Variants in MECOM observed in about 807,000 individuals in gnomAD.
The protein encoded by MECOM is histone-lysine N-methyltransferase MECOM.
Under a neutral mutation model 116.3 loss-of-function variants are expected in MECOM, and 13 were observed. The ratio of observed to expected loss-of-function variants is 0.11; its 90% CI spans 0.07 to 0.18. The LOEUF (loss-of-function observed/expected upper bound fraction) is 0.18, where lower values mean the gene tolerates loss of function less well. Ranked by LOEUF, MECOM falls within the 10% of genes least tolerant of loss-of-function variation. MECOM has a pLI of 1.00. For synonymous variants in MECOM, 528 were observed against 535.2 expected (o/e 0.99, Z 0.19); for missense variants, 1,299 against 1,509.0 (o/e 0.86, Z 2.31).
chr3:169,175,415 T>C (rs1244133850), intron 2 of MECOM, among the ~76,000 whole-genome samples: 1 of 152,132 alleles, frequency 6.6e-6, no homozygotes, highest in East Asian at 1.9e-4. Context: ...ATGCACAAAA[T>C]TACTAAAAAT....
At chr3:169,191,740 G>GAGAAAGAA (rs71166250) in intron 2 of MECOM, among the ~76,000 whole-genome samples, 2,727 of 64,038 alleles carry the variant, frequency 0.043, 58 homozygotes, top group Middle Eastern at 0.089. Context: ...AAGAAAGAAA[G>GAGAAAGAA]AGAAAGAAAG....
At chr3:169,246,661 A>G (rs1328444156) in intron 2 of MECOM, among the ~76,000 whole-genome samples, 1 of 151,400 alleles carries the variant, frequency 6.6e-6, no homozygotes, top group Non-Finnish European at 1.5e-5. Context: ...AGCTGGCACT[A>G]CAGGCGCGTG....
At chr3:169,261,248 T>A (rs1757497243) in intron 2 of MECOM, among the ~76,000 whole-genome samples, 1 of 152,200 alleles carries the variant, frequency 6.6e-6, no homozygotes. Context: ...ATCTAAATTA[T>A]TTTTCTTTAG....
chr3:169,620,817 G>GT (rs1303047012), intron 1 of MECOM, among the ~76,000 whole-genome samples: 1 of 151,782 alleles, frequency 6.6e-6, no homozygotes, highest in Non-Finnish European at 1.5e-5. Flanking sequence ...CTGAGATCTA[G>GT]TTTTTTTAAA....
chr3:169,581,439 G>A lies in MECOM; in HGVS notation c.37+81897C>T, dbSNP rs376913653. On this transcript the variant is annotated intron_variant, in intron 1 of 16. Coordinates refer to ENST00000651503, the MANE Select transcript of MECOM (RefSeq NM_004991.4). ...GATAGTCTTTATTTTCTTCTTTCTT[G>A]CTTTCTGCCTTTTTTTTTCTTTTTT... Among the ~76,000 whole-genome samples the A allele has an allele frequency of 7.6e-4, 115 of 151,686 alleles. 2 individuals carry two copies. The South Asian group carries it at 0.014, about 19-fold the overall frequency.
chr3:169,360,762 G>A (rs752820837), intron 2 of MECOM, among the ~76,000 whole-genome samples: 25 of 151,720 alleles, frequency 1.6e-4, no homozygotes, highest in South Asian at 6.2e-4. Flanking sequence ...GTTAATGGGC[G>A]GAGTATGCCT....
intron 2 of MECOM, among the ~76,000 whole-genome samples, chr3:169,218,009 G>A (rs1751631321): frequency 6.6e-6 from 1 of 151,530 alleles, no homozygotes; most frequent in Non-Finnish European, 1.5e-5. Context: ...TATTTTAATA[G>A]CTCTATAGTG....
intron 2 of MECOM, among the ~76,000 whole-genome samples, chr3:169,343,537 A>G (rs1228581800): frequency 4.6e-5 from 7 of 152,188 alleles, no homozygotes; most frequent in Non-Finnish European, 1.0e-4. Context: ...ATTTTTTTAA[A>G]AAAGAAAAAA....
At chr3:169,512,439 C>T (rs1324797696) in intron 1 of MECOM, among the ~76,000 whole-genome samples, 1 of 152,204 alleles carries the variant, frequency 6.6e-6, no homozygotes, top group Admixed American at 6.5e-5. Context: ...ACAATGTTAA[C>T]TCAAATGCAG....
intron 2 of MECOM, among the ~76,000 whole-genome samples, chr3:169,362,298 A>C (rs193219969): frequency 7.2e-5 from 11 of 152,080 alleles, no homozygotes; most frequent in African/African-American, 2.4e-4. Flanking sequence ...AAAGAACTAA[A>C]GAGCAGGTGT....
intron 2 of MECOM, among the ~76,000 whole-genome samples, chr3:169,294,106 G>T (rs1715121430): frequency 6.6e-6 from 1 of 151,928 alleles, no homozygotes; most frequent in African/African-American, 2.4e-5. Flanking sequence ...GATTTTATTG[G>T]TTTATCATTA....
At chr3:169,545,202 TGTTTTTTC>T (rs1352009274) in intron 1 of MECOM, among the ~76,000 whole-genome samples, 2 of 152,170 alleles carry the variant, frequency 1.3e-5, no homozygotes, top group Non-Finnish European at 1.5e-5. Context: ...TTGTTTGTTT[TGTTTTTTC>T]GGTACCCCAT....
intron 1 of MECOM, among the ~76,000 whole-genome samples, chr3:169,418,991 A>C (rs971674680): frequency 2.6e-5 from 4 of 152,234 alleles, no homozygotes; most frequent in African/African-American, 9.6e-5. Flanking sequence ...TATATTTAGG[A>C]AAACACATTG....
chr3:169,106,922 T>A (rs886349154), intron 10 of MECOM, among the ~76,000 whole-genome samples: 1 of 152,036 alleles, frequency 6.6e-6, no homozygotes, highest in Non-Finnish European at 1.5e-5. Flanking sequence ...TCCATAAATA[T>A]TTGTGTACAT....
intron 2 of MECOM, among the ~76,000 whole-genome samples, chr3:169,366,498 A>G (rs947548090): frequency 2.0e-5 from 3 of 151,948 alleles, no homozygotes; most frequent in African/African-American, 7.2e-5. Context: ...CTTCATGTTC[A>G]TCTGTGATTA....
chr3:169,378,539 AAAG>A (rs1731778554), intron 2 of MECOM, among the ~76,000 whole-genome samples: 1 of 115,536 alleles, frequency 8.7e-6, no homozygotes, highest in Non-Finnish European at 1.8e-5. Flanking sequence ...AGAAAGAAAG[AAAG>A]AAAGAAAGAA....
intron 1 of MECOM, among the ~76,000 whole-genome samples, chr3:169,413,363 A>G (rs1333297518): frequency 1.3e-5 from 2 of 152,162 alleles, no homozygotes; most frequent in Non-Finnish European, 2.9e-5. Flanking sequence ...CAACCCACAG[A>G]CCAGGAGATT....
chr3:169,427,783 T>C (rs1740967080), intron 1 of MECOM, among the ~76,000 whole-genome samples: 1 of 152,226 alleles, frequency 6.6e-6, no homozygotes, highest in Non-Finnish European at 1.5e-5. Context: ...TATGTGTGTA[T>C]GAAAGATAGC....
At chr3:169,100,255 C>T (rs1723144248) in intron 12 of MECOM, among the ~76,000 whole-genome samples, 1 of 151,896 alleles carries the variant, frequency 6.6e-6, no homozygotes, top group Admixed American at 6.6e-5. Context: ...TGAGCCACCA[C>T]ACCTGGCTAA....
Sources: allele counts gnomAD v4.1 joint callset (sites outside exome capture counted in the v4.1 genomes callset), GRCh38; gene constraint gnomAD v4.1.1; transcripts MANE v1.5; gene names NCBI Gene and HGNC (gene_info 2026-07-23, HGNC 2026-07-21).